Variants in PSEN2 observed in about 807,000 individuals in gnomAD.
PSEN2 encodes the protein presenilin 2.
PSEN2 carries 32 observed loss-of-function variants against 49.1 expected under a neutral mutation model. The ratio of observed to expected loss-of-function variants is 0.65; its 90% CI spans 0.49 to 0.88. The LOEUF (loss-of-function observed/expected upper bound fraction) is 0.88. PSEN2 is among the 40% of genes least tolerant of loss of function. The probability of loss-of-function intolerance (pLI) is 0.00; values close to 1 mark genes in which losing one functional copy is unlikely to be tolerated. For synonymous variants in PSEN2, 255 were observed against 244.0 expected, an observed-to-expected ratio of 1.05 and a Z score of -0.42; for missense variants, 522 against 586.9, an observed-to-expected ratio of 0.89 and a Z score of 1.14.
At chr1:226,886,881 C>T (rs1456172091) in intron 6 of PSEN2, among the ~76,000 whole-genome samples, 4 of 152,118 alleles carry the variant, frequency 2.6e-5, no homozygotes, top group Non-Finnish European at 4.4e-5. Flanking sequence ...GCAGGAGGAT[C>T]GCCTGACCCC....
chr1:226,873,671 C>T (rs926041792), intron 2 of PSEN2, among the ~76,000 whole-genome samples: 7 of 152,160 alleles, frequency 4.6e-5, no homozygotes, highest in African/African-American at 1.7e-4. Flanking sequence ...CAACCTTGGC[C>T]TCCCAAAATG....
chr1:226,903,327 C>G (rs975261383), intron 12 of PSEN2, among the ~76,000 whole-genome samples: 2 of 152,194 alleles, frequency 1.3e-5, no homozygotes, highest in Admixed American at 6.5e-5. Flanking sequence ...AAAGAGCCAT[C>G]TTCCCAGAGC....
intron 2 of PSEN2, among the ~76,000 whole-genome samples, chr1:226,873,582 A>G (rs1660444049): frequency 6.6e-6 from 1 of 151,832 alleles, no homozygotes; most frequent in Non-Finnish European, 1.5e-5. Flanking sequence ...CTCCCAGCTA[A>G]TTTTTGTATT....
chr1:226,899,380 A>G (rs988058211), downstream of PSEN2: 1 of 152,214 alleles, frequency 6.6e-6, no homozygotes, highest in Non-Finnish European at 1.5e-5. Context: ...CTCCTGACAT[A>G]TACCAAGTTT....
Position 226,883,817 on chromosome 1 carries a change from C to T in PSEN2, c.254C>T (p.Ala85Val), listed in dbSNP as rs63750048. The change falls in exon 5 of 13, where the codon GCG (alanine) becomes GTG (valine). Residue 85 changes from alanine to valine, a missense_variant. Coordinates refer to ENST00000366783, the MANE Select transcript of PSEN2 (RefSeq NM_000447.3). ...GAAGAGCTGACCCTCAAATACGGAG[C>T]GAAGCACGTGATCATGCTGTTTGTG... ...LEEELTLKYGAKHVIMLFVPV... is the reference protein window; with the variant it reads ...LEEELTLKYGVKHVIMLFVPV... 9.3e-6 allele frequency: 15 copies of T among 1,614,058 alleles called. No individual in the cohort carries two copies. In the East Asian group the frequency reaches 1.3e-4, roughly 14 times the overall value.
At chr1:226,894,372 A>G (rs551156932) in intron 12 of PSEN2, among the ~76,000 whole-genome samples, 15 of 152,362 alleles carry the variant, frequency 9.8e-5, no homozygotes, top group African/African-American at 3.6e-4. Flanking sequence ...TACCGGCCCC[A>G]GCGTGGCTGA....
chr1:226,895,599 G>A lies in PSEN2; in HGVS notation c.*20G>A, dbSNP rs201399057. On this transcript the variant is annotated 3_prime_UTR_variant, in exon 13 of 13. Transcript: ENST00000366783. ...ATCTGAGGGACATGGTGTGCCACAG[G>A]CTGCAAGCTGCAGGGAATTTTCATT... 218 of 1,602,872 alleles carry A rather than the reference G, an allele frequency of 1.4e-4. No homozygotes were observed. Among genetic ancestry groups the A allele is most frequent in the Non-Finnish European group, 1.7e-4 (200 of 1,174,270 alleles).
Position 226,889,073 on chromosome 1 carries a change from G to C in PSEN2, c.787+24G>C, listed in dbSNP as rs560839429. On this transcript the variant is annotated intron_variant, in intron 8 of 12. Coordinates refer to ENST00000366783, the MANE Select transcript of PSEN2 (RefSeq NM_000447.3). Reference sequence around the variant, plus strand: ...TGGTAGGTGGGCAGCAAGGCTGGTGGGGGCAGTGGGGGCGATGTCCAGGGC... The same window carrying C: ...TGGTAGGTGGGCAGCAAGGCTGGTGCGGGCAGTGGGGGCGATGTCCAGGGC... 1.2e-5 allele frequency: 19 copies of C among 1,596,400 alleles called. No individual in the cohort carries two copies. The African/African-American group carries it at 2.4e-4, about 20-fold the overall frequency.
At chr1:226,885,444 G>A (rs1228221943) in intron 5 of PSEN2, 94 bp from the exon 6 acceptor site, 3 of 1,443,140 alleles carry the variant, frequency 2.1e-6, no homozygotes, top group African/African-American at 2.8e-5. Flanking sequence ...GGGCATCCCA[G>A]GCACCTCCCC....
chr1:226,882,623 G>C (rs911111940), intron 4 of PSEN2, among the ~76,000 whole-genome samples: 2 of 152,186 alleles, frequency 1.3e-5, no homozygotes, highest in African/African-American at 4.8e-5. Flanking sequence ...CCTGAACCCT[G>C]TTCTCTGTTT....
At position 226,882,039 on chromosome 1, in the gene PSEN2, T is replaced by A. The variant is rs143227762; in HGVS notation, c.132T>A (p.Thr44=). The A allele has an allele frequency of 6.9e-4, 1,117 of 1,613,968 alleles. 6 individuals are homozygous for A. The African/African-American group carries it at 0.014, about 20-fold the overall frequency. Residue 44 remains threonine, a synonymous_variant, in exon 4 of 13, where the codon ACT becomes ACA. Coordinates refer to ENST00000366783, the MANE Select transcript of PSEN2 (RefSeq NM_000447.3). The stretch of plus-strand genomic sequence containing the variant: ...AGGGCCCAGAGGATGGAGAGAACAC[T>A]GCCCAGTGGGTAGGTCCCACCAGCA... ...GRQGPEDGEN[T]AQWRSQENEE...
At chr1:226,896,589 C>T (rs1318049733), downstream of PSEN2, among the ~76,000 whole-genome samples, 1 of 152,138 alleles carries the variant, frequency 6.6e-6, no homozygotes, top group Non-Finnish European at 1.5e-5. Context: ...TTCCTGAGCA[C>T]AGTGGCTCAC....
chr1:226,880,545 A>AGATAGCGATCACTCAGCCTCTG (rs1553267436), intron 3 of PSEN2: 2 of 1,099,050 alleles, frequency 1.8e-6, no homozygotes, highest in Admixed American at 2.8e-5. Context: ...GCCTCTGGAC[A>AGATAGCGATCACTCAGCCTCTG]GACAGCGATC....
chr1:226,887,565 G>A (rs1456370488), intron 6 of PSEN2, among the ~76,000 whole-genome samples: 1 of 152,120 alleles, frequency 6.6e-6, no homozygotes, highest in African/African-American at 2.4e-5. Flanking sequence ...TGGGTAGGAG[G>A]GGACTTCCCA....
intron 11 of PSEN2, among the ~76,000 whole-genome samples, chr1:226,893,318 G>A (rs367602636): frequency 2.0e-5 from 3 of 152,208 alleles, no homozygotes; most frequent in Admixed American, 6.5e-5. Context: ...CACACCTGGT[G>A]GGGGAAGGAG....
chr1:226,888,203 T>C, intron 7 of PSEN2, 45 bp downstream of exon 7: 1 of 1,518,612 alleles, frequency 6.6e-7, no homozygotes, highest in South Asian at 1.1e-5. Context: ...CCCCTCTCCA[T>C]GTGGCACAAG....
At chr1:226,891,156 A>G (rs1661712494) in intron 9 of PSEN2, 122 bp from the exon 10 acceptor site, 1 of 789,568 alleles carries the variant, frequency 1.3e-6, no homozygotes, top group East Asian at 2.6e-5. Flanking sequence ...GCATGAGCAG[A>G]TACCTGCAGG....
intron 6 of PSEN2, among the ~76,000 whole-genome samples, 153 bp from the exon 7 acceptor site, chr1:226,887,938 A>G (rs191914317): frequency 2.0e-5 from 3 of 152,184 alleles, no homozygotes; most frequent in East Asian, 1.9e-4. Flanking sequence ...TGCCCTCTTT[A>G]TCTGTAAGGT....
intron 9 of PSEN2, chr1:226,890,991 C>G (rs1487616340): frequency 2.1e-6 from 1 of 479,586 alleles, no homozygotes; most frequent in Admixed American, 3.5e-5. Context: ...TCATGAGTGT[C>G]CCAGGGCTCG....
Sources: gnomAD v4.1 joint callset for allele counts (sites outside exome capture counted in the v4.1 genomes callset) on GRCh38, gnomAD v4.1.1 for gene constraint, MANE v1.5 for transcripts, NCBI Gene and HGNC (gene_info 2026-07-23, HGNC 2026-07-21) for gene names.